Variants in E2F2 observed in about 807,000 individuals in gnomAD.
The protein encoded by E2F2 is E2F transcription factor 2.
In E2F2, 22 loss-of-function variants were observed where a neutral mutation model predicts 42.2. The ratio of observed to expected loss-of-function variants is 0.52; its 90% CI spans 0.37 to 0.74. The LOEUF is 0.74. Among genes scored for constraint, E2F2 ranks in the 30% least tolerant of loss-of-function variants. E2F2 has a pLI of 0.00. For synonymous variants in E2F2, 248 were observed against 251.6 expected, an observed-to-expected ratio of 0.99 and a Z score of 0.13; for missense variants, 481 against 557.8, an observed-to-expected ratio of 0.86 and a Z score of 1.39.
rs567312078 is a variant in E2F2, at chr1:23,514,567, C to A, written c.1045+1768G>T. Among the ~76,000 whole-genome samples, 7 of 152,018 alleles carry A rather than the reference C, an allele frequency of 4.6e-5. No individual in the cohort carries two copies. The East Asian group carries it at 1.2e-3, about 25-fold the overall frequency. ...AGCAAACTTCTATAAAGAGCTGGAG[C>A]CTGTAATCCCAGCACTTTGGGAAGC... On this transcript the variant is annotated intron_variant, in intron 6 of 6. Coordinates refer to ENST00000361729, the MANE Select transcript of E2F2 (RefSeq NM_004091.4).
intron 6 of E2F2, among the ~76,000 whole-genome samples, chr1:23,515,582 C>T (rs1302865858): frequency 2.6e-5 from 4 of 152,086 alleles, no homozygotes; most frequent in South Asian, 4.1e-4. Context: ...GATGGAGTCT[C>T]ATTATGTTGC....
At chr1:23,516,801 G>C (rs562519182) in intron 5 of E2F2, among the ~76,000 whole-genome samples, 3 of 58,760 alleles carry the variant, frequency 5.1e-5, no homozygotes, top group South Asian at 1.1e-3. Context: ...TTTGGGGCGG[G>C]GGGGGGGGGG....
chr1:23,523,785 C>T (rs1440452526), intron 2 of E2F2, among the ~76,000 whole-genome samples: 5 of 152,066 alleles, frequency 3.3e-5, no homozygotes, highest in Admixed American at 2.0e-4. Context: ...AGAAGTAGTG[C>T]GAGACTGGCC....
intron 4 of E2F2, 95 bp from the exon 5 acceptor site, chr1:23,519,225 G>A: frequency 1.4e-6 from 1 of 739,626 alleles, no homozygotes; most frequent in Non-Finnish European, 2.3e-6. Flanking sequence ...CTAAGCCTCT[G>A]AACATTACTT....
chr1:23,517,515 G>A (rs1042650408), intron 5 of E2F2, among the ~76,000 whole-genome samples: 1 of 152,192 alleles, frequency 6.6e-6, no homozygotes, highest in Non-Finnish European at 1.5e-5. Flanking sequence ...TCCTCCAAGG[G>A]TGGGGGCAGG....
intron 2 of E2F2, among the ~76,000 whole-genome samples, chr1:23,523,525 A>G (rs1268422565): frequency 6.6e-6 from 1 of 152,078 alleles, no homozygotes; most frequent in African/African-American, 2.4e-5. Context: ...GGAAGGCACC[A>G]CCTGGGCAGC....
chr1:23,505,535 C>T (rs1186921238), downstream of E2F2, among the ~76,000 whole-genome samples: 2 of 151,568 alleles, frequency 1.3e-5, no homozygotes, highest in African/African-American at 2.4e-5. Context: ...TTTTTTGAGA[C>T]GGAGTCTCGC....
In E2F2 at chr1:23,530,760, C is replaced by G; in HGVS notation, c.34G>C (p.Ala12Pro). The change falls in exon 1 of 7, where the codon GCT becomes CCT. Residue 12 changes from alanine to proline, a missense_variant. By Grantham distance (27) the Ala-to-Pro change is conservative (BLOSUM62 -1). Transcript: ENST00000361729. This position sits in a 1 kb window ranked among gnomAD's most constrained non-coding sequence, Gnocchi z 4.4. ...LQGPRALASA[A>P]GQTPKVVPAM... ...GGCACCACCTTCGGGGTCTGCCCAG[C>G]GGCCGAAGCCAAGGCCCGGGGCCCT... 1 of 1,571,962 alleles carries G rather than the reference C, an allele frequency of 6.4e-7. No individual in the cohort carries two copies. Among genetic ancestry groups the G allele is most frequent in the Non-Finnish European group, 8.6e-7 (1 of 1,157,368 alleles).
At chr1:23,519,156 G>A (rs371535292) in intron 4 of E2F2, 26 bp from the exon 5 acceptor site, 3 of 1,590,862 alleles carry the variant, frequency 1.9e-6, no homozygotes, top group Non-Finnish European at 1.7e-6. Context: ...CAAGAAAAGT[G>A]ACTGTCTGGT....
intron 6 of E2F2, among the ~76,000 whole-genome samples, chr1:23,513,291 T>G (rs981750115): frequency 1.3e-5 from 2 of 152,112 alleles, no homozygotes; most frequent in African/African-American, 4.8e-5. Context: ...AGATACAGGC[T>G]TGAACACAGG....
intron 1 of E2F2, 45 bp from the exon 2 acceptor site, chr1:23,524,533 C>G (rs912371119): frequency 1.3e-6 from 2 of 1,570,536 alleles, no homozygotes; most frequent in Admixed American, 1.8e-5. Context: ...AGAATCATTC[C>G]TCCTTTAGCC....
intron 6 of E2F2, among the ~76,000 whole-genome samples, chr1:23,514,223 T>TC (rs1642970551): frequency 6.6e-6 from 1 of 151,996 alleles, no homozygotes. Context: ...GGTTCCAGCT[T>TC]CGGAGGGCTA....
chr1:23,520,871 G>T, intron 4 of E2F2, 42 bp downstream of exon 4: 1 of 1,496,518 alleles, frequency 6.7e-7, no homozygotes, highest in South Asian at 1.4e-5. Context: ...ACATGCAACA[G>T]GTTCCTGCTC....
chr1:23,520,243 CAAAAAAAAAAAAAAA>C (rs66460864), intron 4 of E2F2, among the ~76,000 whole-genome samples: 3 of 78,868 alleles, frequency 3.8e-5, no homozygotes, highest in African/African-American at 2.5e-4. Context: ...GACTCTGTCT[CAAAAAAAAAAAAAAA>C]AAAAAAAAAA....
intron 5 of E2F2, among the ~76,000 whole-genome samples, chr1:23,518,769 G>A (rs1421350381): frequency 6.6e-6 from 1 of 152,204 alleles, no homozygotes; most frequent in Non-Finnish European, 1.5e-5. Context: ...CAGGAACCCA[G>A]GGCTGGTGGG....
In E2F2 at chr1:23,521,910, T is replaced by C. The variant is rs778758642; in HGVS notation, c.505A>G (p.Ile169Val). The change falls in exon 3 of 7, where the codon ATC becomes GTC. Residue 169 changes from isoleucine (I) to valine (V), a missense_variant. Coordinates refer to ENST00000361729, the MANE Select transcript of E2F2 (RefSeq NM_004091.4). ...AEVLDVQKRR[I>V]YDITNVLEGI... ...TCCAGCACGTTGGTGATGTCATAGA[T>C]GCGCCGCTTCTGCACGTCCAGCACC... 1.4e-5 allele frequency: 22 copies of C among 1,614,194 alleles called. No individual in the cohort carries two copies. The highest frequency in any genetic ancestry group is 1.8e-5 in the Non-Finnish European group (21 of 1,180,026).
At chr1:23,528,690 C>A (rs1643289364) in intron 1 of E2F2, among the ~76,000 whole-genome samples, 1 of 152,178 alleles carries the variant, frequency 6.6e-6, no homozygotes, top group Non-Finnish European at 1.5e-5. Context: ...GACCTTCTTG[C>A]TAAGATCACT....
intron 4 of E2F2, among the ~76,000 whole-genome samples, chr1:23,519,802 G>A (rs1643100821): frequency 6.6e-6 from 1 of 152,030 alleles, no homozygotes; most frequent in African/African-American, 2.4e-5. Context: ...TGAAGGCCGG[G>A]TGCGGTATCT....
At chr1:23,520,872 G>A in intron 4 of E2F2, 41 bp downstream of exon 4, 1 of 1,503,416 alleles carries the variant, frequency 6.7e-7, no homozygotes, top group Non-Finnish European at 8.9e-7. Context: ...CATGCAACAG[G>A]TTCCTGCTCC....
Sources: allele counts gnomAD v4.1 joint callset (sites outside exome capture counted in the v4.1 genomes callset), GRCh38; gene constraint gnomAD v4.1.1; non-coding constraint Gnocchi (gnomAD v3.1); transcripts MANE v1.5; gene names NCBI Gene and HGNC (gene_info 2026-07-23, HGNC 2026-07-21).